PCLO: variants seen among roughly 807,000 people sequenced by gnomAD.
PCLO encodes the protein protein piccolo.
A neutral mutation model predicts 427.5 loss-of-function variants in PCLO; 82 were observed. The ratio of observed to expected loss-of-function variants is 0.19; its 90% CI spans 0.16 to 0.23. PCLO has a LOEUF of 0.23. PCLO is among the 10% of genes least tolerant of loss of function. PCLO has a pLI of 1.00. For missense variants in PCLO, 6,239 were observed against 6,115.9 expected (o/e 1.02, Z -0.67); for synonymous variants, 2,357 against 2,155.4 (o/e 1.09, Z -2.59).
At chr7:83,091,147 G>T (rs1444422550) in intron 3 of PCLO, among the ~76,000 whole-genome samples, 1 of 152,086 alleles carries the variant, frequency 6.6e-6, no homozygotes, top group Non-Finnish European at 1.5e-5. Context: ...TCAAGAATAT[G>T]TGTGCATACA....
At chr7:83,136,705 G>C (rs1425576336) in intron 2 of PCLO, among the ~76,000 whole-genome samples, 1 of 151,988 alleles carries the variant, frequency 6.6e-6, no homozygotes, top group Admixed American at 6.6e-5. Flanking sequence ...AGCAATATGA[G>C]TAAGTAACGT....
intron 3 of PCLO, among the ~76,000 whole-genome samples, chr7:83,011,347 T>G (rs1320765299): frequency 6.6e-6 from 1 of 152,230 alleles, no homozygotes; most frequent in African/African-American, 2.4e-5. Flanking sequence ...TTAAACATTT[T>G]ATGTGATTAC....
At chr7:82,978,758 G>C (rs1306557537) in intron 3 of PCLO, among the ~76,000 whole-genome samples, 1 of 151,666 alleles carries the variant, frequency 6.6e-6, no homozygotes, top group Non-Finnish European at 1.5e-5. Context: ...TTAATAAAGT[G>C]AAATTTATTA....
intron 3 of PCLO, among the ~76,000 whole-genome samples, chr7:82,967,608 G>A (rs1186800476): frequency 6.6e-6 from 1 of 152,150 alleles, no homozygotes; most frequent in Non-Finnish European, 1.5e-5. Context: ...CCTGGGAGAG[G>A]AAACAGGAGG....
chr7:82,912,487 C>T (rs917611105), intron 7 of PCLO, among the ~76,000 whole-genome samples: 1 of 151,808 alleles, frequency 6.6e-6, no homozygotes, highest in African/African-American at 2.4e-5. Flanking sequence ...TATATAATTG[C>T]TATAGTTTTC....
chr7:82,946,450 T>C (rs1795205848), intron 6 of PCLO, among the ~76,000 whole-genome samples: 1 of 152,210 alleles, frequency 6.6e-6, no homozygotes, highest in Non-Finnish European at 1.5e-5. Flanking sequence ...ATAAGTAATA[T>C]ATACAAATTT....
At chr7:82,970,756 A>G (rs1303009478) in intron 3 of PCLO, among the ~76,000 whole-genome samples, 1 of 151,944 alleles carries the variant, frequency 6.6e-6, no homozygotes, top group African/African-American at 2.4e-5. Context: ...TAGGAGTATC[A>G]TTGGAGGAAA....
chr7:83,017,623 T>C (rs1437594198), intron 3 of PCLO, among the ~76,000 whole-genome samples: 6 of 152,034 alleles, frequency 3.9e-5, no homozygotes, highest in Admixed American at 3.3e-4. Context: ...TTCCTAATGA[T>C]ATATTGAAAT....
intron 19 of PCLO, 31 bp downstream of exon 19, chr7:82,824,205 A>C: frequency 6.6e-7 from 1 of 1,505,726 alleles, no homozygotes; most frequent in Non-Finnish European, 9.0e-7. Context: ...ATAGACACAA[A>C]ACTTTTTCTA....
intron 16 of PCLO, among the ~76,000 whole-genome samples, chr7:82,833,233 C>T (rs1351107843): frequency 1.3e-5 from 2 of 152,136 alleles, no homozygotes; most frequent in Non-Finnish European, 2.9e-5. Flanking sequence ...AGAGAAAGGT[C>T]CAGCCAGGAA....
chr7:83,101,089 A>C (rs2116487226), intron 3 of PCLO, among the ~76,000 whole-genome samples: 1 of 152,066 alleles, frequency 6.6e-6, no homozygotes, highest in East Asian at 1.9e-4. Context: ...TAAACTGATT[A>C]ACAATAGATT....
intron 24 of PCLO, 51 bp from the exon 25 acceptor site, chr7:82,758,766 G>A: frequency 2.6e-6 from 3 of 1,139,990 alleles, no homozygotes; most frequent in Non-Finnish European, 1.3e-6. Context: ...ACATATACAT[G>A]TGTATAGTTT....
Position 83,115,321 on chromosome 7 carries a change from A to C in PCLO, c.3300+18929T>G, listed in dbSNP as rs73707551. Reference sequence around the variant, plus strand: ...GAGAGTAACGGCAATATGTTGAAAAAAATCATTCCACTTTCAATGTTACAA... The same window carrying C: ...GAGAGTAACGGCAATATGTTGAAAACAATCATTCCACTTTCAATGTTACAA... On this transcript the variant is annotated intron_variant, in intron 3 of 24. Coordinates refer to ENST00000333891, the MANE Select transcript of PCLO (RefSeq NM_033026.6). Among the ~76,000 whole-genome samples, 1,286 of 152,174 alleles carry C rather than the reference A, an allele frequency of 8.5e-3. 10 individuals carry two copies. The highest frequency in any genetic ancestry group is 0.029 in the African/African-American group (1,217 of 41,558).
intron 6 of PCLO, among the ~76,000 whole-genome samples, chr7:82,944,636 G>A (rs1234178140): frequency 6.6e-6 from 1 of 152,116 alleles, no homozygotes; most frequent in Non-Finnish European, 1.5e-5. Context: ...TTCCAGAGAA[G>A]CAACATTACA....
chr7:83,109,866 T>G (rs1454972075), intron 3 of PCLO, among the ~76,000 whole-genome samples: 1 of 152,064 alleles, frequency 6.6e-6, no homozygotes, highest in Non-Finnish European at 1.5e-5. Flanking sequence ...GCTATTATTT[T>G]AATGGTTTCA....
chr7:82,839,063 T>G (rs751894624), intron 14 of PCLO, among the ~76,000 whole-genome samples: 4 of 152,026 alleles, frequency 2.6e-5, no homozygotes, highest in Non-Finnish European at 5.9e-5. Context: ...ACTGCATAAT[T>G]CAAAATAATT....
intron 3 of PCLO, among the ~76,000 whole-genome samples, chr7:83,127,062 A>G (rs184422872): frequency 8.9e-4 from 135 of 152,228 alleles, no homozygotes; most frequent in Non-Finnish European, 1.6e-3. Flanking sequence ...TATATGTACA[A>G]ACATTTTACT....
At chr7:82,768,710 C>T (rs778002707) in intron 22 of PCLO, among the ~76,000 whole-genome samples, 4 of 152,106 alleles carry the variant, frequency 2.6e-5, no homozygotes, top group Admixed American at 2.6e-4. Flanking sequence ...TCTTCCACAG[C>T]AATTCTTAAA....
At position 82,956,645 on chromosome 7, in the gene PCLO, T is replaced by C. The variant is rs1795530184; in HGVS notation, c.4308A>G (p.Thr1436=). The change falls in exon 5 of 25, where the codon ACA becomes ACG. Residue 1436 remains threonine (T), a synonymous_variant. Transcript: ENST00000333891. ...TLADEKSEKK[T]QPHEVSPEQP... ...GTTCAGGAGAAACTTCATGGGGTTG[T>C]GTTTTCTTTTCTGACTTTTCATCAG... 1.2e-6 allele frequency: 2 copies of C among 1,613,970 alleles called. No homozygotes were observed. The highest frequency in any genetic ancestry group is 1.7e-6 in the Non-Finnish European group (2 of 1,179,870).
Sources: allele counts gnomAD v4.1 joint callset (sites outside exome capture counted in the v4.1 genomes callset), GRCh38; gene constraint gnomAD v4.1.1; transcripts MANE v1.5; gene names NCBI Gene and HGNC (gene_info 2026-07-23, HGNC 2026-07-21).